Variants in SHISAL2A observed in about 807,000 individuals in gnomAD.
SHISAL2A encodes the protein protein shisa-like-2A.
A neutral mutation model predicts 11.5 loss-of-function variants in SHISAL2A; 18 were observed. That is an observed-to-expected ratio of 1.57 (90% CI 1.08 to 2.33). SHISAL2A has a LOEUF of 2.33. Among genes scored for constraint, SHISAL2A ranks in the 30% most tolerant of loss-of-function variants. SHISAL2A has a pLI of 0.00. For missense variants in SHISAL2A, 261 were observed against 250.9 expected, an observed-to-expected ratio of 1.04 and a Z score of -0.27; for synonymous variants, 94 against 99.6, an observed-to-expected ratio of 0.94 and a Z score of 0.34.
At chr1:52,634,397 G>C (rs141568263) in intron 1 of SHISAL2A, among the ~76,000 whole-genome samples, 263 of 152,280 alleles carry the variant, frequency 1.7e-3, no homozygotes, top group African/African-American at 5.4e-3. Flanking sequence ...GAGTGCTGGG[G>C]ATGTACCCCA....
At chr1:52,635,012 A>C (rs776969899) in intron 1 of SHISAL2A, among the ~76,000 whole-genome samples, 4 of 152,234 alleles carry the variant, frequency 2.6e-5, no homozygotes, top group Non-Finnish European at 5.9e-5. Context: ...CCAGGTTATC[A>C]GATCCTACAT....
intron 2 of SHISAL2A, among the ~76,000 whole-genome samples, chr1:52,652,298 A>G (rs553772362): frequency 3.4e-4 from 52 of 152,324 alleles, no homozygotes; most frequent in African/African-American, 1.1e-3. Context: ...GGGGAAAGCC[A>G]TAGGGAGATG....
rs939794179 is a variant in SHISAL2A, at chr1:52,633,974, A to C, written c.182+299A>C. Reference sequence around the variant, plus strand: ...ATCACCACCCTCATCCCAACCCCAAATCACATATCAAGCCTCCCCCTAACA... The same window carrying C: ...ATCACCACCCTCATCCCAACCCCAACTCACATATCAAGCCTCCCCCTAACA... On this transcript the variant is annotated intron_variant, in intron 1 of 2. Transcript: ENST00000517870. The surrounding 1 kb of genome is among the most constrained non-coding windows in gnomAD (Gnocchi z 6.4). Among the ~76,000 whole-genome samples, 1 of 151,726 alleles carries C rather than the reference A, an allele frequency of 6.6e-6. No individual in the cohort carries two copies. The highest frequency in any genetic ancestry group is 6.6e-5 in the Admixed American group (1 of 15,226).
chr1:52,666,711 T>C (rs1169991383), intron 4 of SHISAL2A, among the ~76,000 whole-genome samples: 1 of 152,086 alleles, frequency 6.6e-6, no homozygotes, highest in African/African-American at 2.4e-5. Context: ...TCAGAGGTAG[T>C]TGCCAGAAAC....
At chr1:52,665,851 A>C (rs931336667) in intron 4 of SHISAL2A, among the ~76,000 whole-genome samples, 2 of 151,976 alleles carry the variant, frequency 1.3e-5, no homozygotes, top group African/African-American at 4.8e-5. Flanking sequence ...CTGCTGACTC[A>C]CCCCAGGTTG....
chr1:52,655,801 C>G (rs1691779443), intron 2 of SHISAL2A, among the ~76,000 whole-genome samples: 1 of 152,182 alleles, frequency 6.6e-6, no homozygotes, highest in Non-Finnish European at 1.5e-5. Flanking sequence ...AGTACATAGA[C>G]TCACTTGATC....
At chr1:52,638,869 TG>T (rs1429053827) in intron 1 of SHISAL2A, among the ~76,000 whole-genome samples, 1 of 152,220 alleles carries the variant, frequency 6.6e-6, no homozygotes, top group Non-Finnish European at 1.5e-5. Flanking sequence ...GAGCCTGTTC[TG>T]GGCCCAAGAA....
intron 2 of SHISAL2A, among the ~76,000 whole-genome samples, chr1:52,648,070 T>C (rs1488483671): frequency 2.6e-5 from 1 of 37,940 alleles, no homozygotes; most frequent in Non-Finnish European, 4.8e-5. Context: ...TATATATTAA[T>C]ATATCATATA....
chr1:52,664,285 G>GCAAGATCTCCGAGCTGCAA (rs1287065855), intron 4 of SHISAL2A, among the ~76,000 whole-genome samples: 2 of 151,690 alleles, frequency 1.3e-5, no homozygotes, highest in South Asian at 2.1e-4. Flanking sequence ...CTGCCTCTCG[G>GCAAGATCTCCGAGCTGCAA]GTTCACGCCA....
rs779890334 is a variant in SHISAL2A at position 52,656,960 on chromosome 1, ACAGTGACCAC to A, written c.501_510del (p.Thr168PhefsTer?). ...CCTCCTCCATCATTGCTTCATGGCC[ACAGTGACCAC>A]CAGTGACATTCCAGGCAGCCCTGAG... On this transcript the variant is annotated frameshift_variant, in exon 3 of 3. Transcript: ENST00000517870. LOFTEE classifies it high-confidence loss of function. The A allele has an allele frequency of 1.9e-6, 3 of 1,614,228 alleles. No homozygotes were observed. The highest frequency in any genetic ancestry group is 2.5e-6 in the Non-Finnish European group (3 of 1,180,042).
chr1:52,646,920 C>G (rs966579305), intron 2 of SHISAL2A, among the ~76,000 whole-genome samples: 1 of 152,166 alleles, frequency 6.6e-6, no homozygotes. Context: ...ACTTCCGTCT[C>G]CCAGGTTCAA....
At chr1:52,637,286 C>T (rs1242748730) in intron 1 of SHISAL2A, among the ~76,000 whole-genome samples, 1 of 152,202 alleles carries the variant, frequency 6.6e-6, no homozygotes, top group East Asian at 1.9e-4. Context: ...TCTAGGGCAT[C>T]AACGTGCTCT....
intron 2 of SHISAL2A, among the ~76,000 whole-genome samples, chr1:52,650,551 A>ACAATTAGTG (rs1158643987): frequency 6.6e-6 from 1 of 152,086 alleles, no homozygotes; most frequent in Non-Finnish European, 1.5e-5. Flanking sequence ...TAGGCTTTTA[A>ACAATTAGTG]CAATTAGTGG....
chr1:52,666,170 G>A lies in SHISAL2A; in HGVS notation n.696-1229G>A, dbSNP rs147532876. Reference sequence around the variant, plus strand: ...AAGTGATATCTAAATGCAGTGTACCGGCTGGGAGCGGTGGCTCACGCCTGT... The same window carrying A: ...AAGTGATATCTAAATGCAGTGTACCAGCTGGGAGCGGTGGCTCACGCCTGT... On this transcript the variant is annotated intron_variant and non_coding_transcript_variant, in intron 4 of 5. Coordinates refer to the SHISAL2A transcript ENST00000401050. Among the ~76,000 whole-genome samples, 206 of 152,240 alleles carry A rather than the reference G, an allele frequency of 1.4e-3. 1 individual carries two copies. The highest frequency in any genetic ancestry group is 4.7e-3 in the African/African-American group (195 of 41,552).
intron 2 of SHISAL2A, 143 bp downstream of exon 2, chr1:52,643,145 A>G: frequency 1.3e-6 from 1 of 756,106 alleles, no homozygotes; most frequent in Non-Finnish European, 2.2e-6. Flanking sequence ...TTTTCTGGAG[A>G]TTCGTGATCT....
At chr1:52,660,065 G>T (rs1408489536), downstream of SHISAL2A, among the ~76,000 whole-genome samples, 1 of 152,142 alleles carries the variant, frequency 6.6e-6, no homozygotes, top group African/African-American at 2.4e-5. Flanking sequence ...TCAGGAGTAA[G>T]TCCCCAGAAT....
At chr1:52,648,934 A>G (rs1234752380) in intron 2 of SHISAL2A, among the ~76,000 whole-genome samples, 1 of 152,060 alleles carries the variant, frequency 6.6e-6, no homozygotes, top group Non-Finnish European at 1.5e-5. Flanking sequence ...TTCACTGCTC[A>G]GCCACCAGCT....
intron 2 of SHISAL2A, among the ~76,000 whole-genome samples, chr1:52,645,395 A>C (rs1691475594): frequency 1.2e-5 from 1 of 84,130 alleles, no homozygotes; most frequent in Non-Finnish European, 3.1e-5. Flanking sequence ...TGAGGCTTCA[A>C]CGTTTTGTTT....
At chr1:52,638,650 A>G (rs755313129) in intron 1 of SHISAL2A, among the ~76,000 whole-genome samples, 3 of 152,166 alleles carry the variant, frequency 2.0e-5, no homozygotes, top group Non-Finnish European at 4.4e-5. Context: ...AGAAGCCAAC[A>G]ATGGGTGTAT....
Sources: allele counts gnomAD v4.1 joint callset (sites outside exome capture counted in the v4.1 genomes callset), GRCh38; gene constraint gnomAD v4.1.1; non-coding constraint Gnocchi (gnomAD v3.1); transcripts MANE v1.5; gene names NCBI Gene and HGNC (gene_info 2026-07-23, HGNC 2026-07-21).